Variants in CAMTA1 observed in about 807,000 individuals in gnomAD.
CAMTA1 encodes calmodulin-binding transcription activator 1.
Under a neutral mutation model 170.9 loss-of-function variants are expected in CAMTA1, and 27 were observed. The observed-to-expected ratio is 0.16, with a 90% CI of 0.12 to 0.22. The LOEUF is 0.22. Among genes scored for constraint, CAMTA1 ranks in the 10% least tolerant of loss-of-function variants. The probability of loss-of-function intolerance (pLI) is 1.00; values close to 1 mark genes in which losing one functional copy is unlikely to be tolerated. For synonymous variants in CAMTA1, 833 were observed against 891.5 expected, an observed-to-expected ratio of 0.93 and a Z score of 1.17; for missense variants, 1,619 against 2,217.2, an observed-to-expected ratio of 0.73 and a Z score of 5.42.
At chr1:7,718,733 T>G (rs182124766) in intron 11 of CAMTA1, among the ~76,000 whole-genome samples, 13 of 151,950 alleles carry the variant, frequency 8.6e-5, no homozygotes, top group African/African-American at 2.2e-4. Context: ...AATTTTTGTG[T>G]TTTTAGTAGA....
At chr1:6,816,632 G>T (rs778342194) in intron 1 of CAMTA1, among the ~76,000 whole-genome samples, 1 of 152,236 alleles carries the variant, frequency 6.6e-6, no homozygotes, top group Non-Finnish European at 1.5e-5. Flanking sequence ...TGACTTGAAA[G>T]CTTGTGCTTT....
intron 5 of CAMTA1, among the ~76,000 whole-genome samples, chr1:7,326,138 C>T (rs1039635620): frequency 9.2e-5 from 14 of 152,200 alleles, no homozygotes; most frequent in African/African-American, 3.4e-4. Context: ...GGATTACAGA[C>T]GTGAGCCACT....
At chr1:6,848,293 G>A (rs1171274556) in intron 3 of CAMTA1, among the ~76,000 whole-genome samples, 1 of 152,080 alleles carries the variant, frequency 6.6e-6, no homozygotes, top group African/African-American at 2.4e-5. Flanking sequence ...AGACCACAGG[G>A]GTGCACCACC....
chr1:6,889,176 A>G (rs1322200121), intron 3 of CAMTA1, among the ~76,000 whole-genome samples: 1 of 152,234 alleles, frequency 6.6e-6, no homozygotes, highest in African/African-American at 2.4e-5. Context: ...ACATACCACA[A>G]AGCAAAATAA....
chr1:7,442,831 A>G (rs2092581721), intron 5 of CAMTA1, among the ~76,000 whole-genome samples: 1 of 152,116 alleles, frequency 6.6e-6, no homozygotes, highest in South Asian at 2.1e-4. Flanking sequence ...CTGTGCTGGT[A>G]TTTAGAGATT....
In CAMTA1 at chr1:7,146,894, C is replaced by T. The variant is rs150305548; in HGVS notation, c.302+55523C>T. Reference sequence around the variant, plus strand: ...TGTACACAGACACTCAAACATATGCCGTGCATACACATACACATCACACAC... The same window carrying T: ...TGTACACAGACACTCAAACATATGCTGTGCATACACATACACATCACACAC... On this transcript the variant is annotated intron_variant, in intron 4 of 22. Transcript: ENST00000303635. The surrounding 1 kb of genome is among the most constrained non-coding windows in gnomAD (Gnocchi z 4.3). Among the ~76,000 whole-genome samples the T allele has an allele frequency of 3.4e-3, 515 of 151,874 alleles. 1 individual carries two copies. Among genetic ancestry groups the T allele is most frequent in the African/African-American group, 0.011 (469 of 41,372 alleles).
At chr1:7,262,562 C>CA (rs925827887) in intron 5 of CAMTA1, among the ~76,000 whole-genome samples, 26 of 151,466 alleles carry the variant, frequency 1.7e-4, no homozygotes, top group Admixed American at 1.6e-3. Flanking sequence ...AACTCCACCT[C>CA]AAAAAAAAGT....
chr1:7,440,064 A>C (rs2092472419), intron 5 of CAMTA1, among the ~76,000 whole-genome samples: 1 of 152,260 alleles, frequency 6.6e-6, no homozygotes, highest in Non-Finnish European at 1.5e-5. Context: ...CGCACTGGGC[A>C]TCCCATGTGC....
intron 5 of CAMTA1, among the ~76,000 whole-genome samples, chr1:7,370,723 A>G (rs1276117216): frequency 6.6e-6 from 1 of 152,142 alleles, no homozygotes; most frequent in Non-Finnish European, 1.5e-5. Context: ...ATATATTTAA[A>G]ATCACATGCC....
chr1:7,551,203 CAAGG>C (rs947508388), intron 6 of CAMTA1, among the ~76,000 whole-genome samples: 10 of 152,230 alleles, frequency 6.6e-5, no homozygotes, highest in South Asian at 2.1e-4. Flanking sequence ...AGGGGAGAAG[CAAGG>C]AAGGGAGGAG....
intron 3 of CAMTA1, among the ~76,000 whole-genome samples, chr1:7,012,049 AC>A (rs1418247774): frequency 6.6e-6 from 1 of 152,106 alleles, no homozygotes; most frequent in Admixed American, 6.5e-5. Context: ...GGGGGAAACC[AC>A]AATGCTGGGG....
At chr1:7,131,409 A>AT (rs1411106989) in intron 4 of CAMTA1, among the ~76,000 whole-genome samples, 1 of 151,796 alleles carries the variant, frequency 6.6e-6, no homozygotes, top group South Asian at 2.1e-4. Flanking sequence ...GATCATTAAG[A>AT]TTTTCTCCTA....
chr1:6,891,779 A>G (rs999614851), intron 3 of CAMTA1, among the ~76,000 whole-genome samples: 12 of 152,244 alleles, frequency 7.9e-5, no homozygotes, highest in African/African-American at 2.7e-4. Flanking sequence ...TATGATTAGC[A>G]TTAGTATATG....
In CAMTA1 at chr1:6,864,248, CA is replaced by C. The variant is rs556080768; in HGVS notation, c.234+39041del. On this transcript the variant is annotated intron_variant, in intron 3 of 22. Transcript: ENST00000303635. The stretch of plus-strand genomic sequence containing the variant: ...AACAATTCCTGCTGGTTCTTTTTCC[CA>C]AATAAATTTCCATTCTGTCCAAGTC... 1.9e-3 allele frequency among the ~76,000 whole-genome samples: 294 copies of C among 152,240 alleles called. 1 individual carries two copies. The highest frequency in any genetic ancestry group is 6.6e-3 in the African/African-American group (275 of 41,524).
chr1:7,320,659 T>C (rs911952158), intron 5 of CAMTA1, among the ~76,000 whole-genome samples: 7 of 149,174 alleles, frequency 4.7e-5, no homozygotes, highest in Admixed American at 3.3e-4. Context: ...GTTTTTTTTT[T>C]TTTTTTTTTT....
At chr1:7,168,174 AATTT>A (rs1227754446) in intron 4 of CAMTA1, among the ~76,000 whole-genome samples, 2 of 152,138 alleles carry the variant, frequency 1.3e-5, no homozygotes, top group South Asian at 2.1e-4. Context: ...TATATAAATT[AATTT>A]ATTTTTTGTA....
At chr1:7,514,854 G>A (rs1021113962) in intron 6 of CAMTA1, among the ~76,000 whole-genome samples, 1 of 152,082 alleles carries the variant, frequency 6.6e-6, no homozygotes, top group African/African-American at 2.4e-5. Context: ...CCCATTATTC[G>A]CTGCAGAGCA....
At chr1:7,095,971 C>T (rs1390781078) in intron 4 of CAMTA1, among the ~76,000 whole-genome samples, 1 of 152,246 alleles carries the variant, frequency 6.6e-6, no homozygotes, top group African/African-American at 2.4e-5. Flanking sequence ...GAAGTAAGAG[C>T]ATGTCCTTCC....
At chr1:7,651,423 C>T (rs961022224) in intron 7 of CAMTA1, among the ~76,000 whole-genome samples, 26 of 152,216 alleles carry the variant, frequency 1.7e-4, no homozygotes, top group African/African-American at 5.8e-4. Context: ...CTCCAGGTGG[C>T]CTTGCCCTGT....
Sources: gnomAD v4.1 joint callset for allele counts (sites outside exome capture counted in the v4.1 genomes callset) on GRCh38, gnomAD v4.1.1 for gene constraint, Gnocchi (gnomAD v3.1) non-coding constraint, MANE v1.5 for transcripts, NCBI Gene and HGNC (gene_info 2026-07-23, HGNC 2026-07-21) for gene names.